Variants in GEMIN2 observed in about 807,000 individuals in gnomAD.
The protein encoded by GEMIN2 is gem-associated protein 2.
GEMIN2 carries 37 observed loss-of-function variants against 45.8 expected under a neutral mutation model. The ratio of observed to expected loss-of-function variants is 0.81; its 90% CI spans 0.62 to 1.06. The LOEUF (loss-of-function observed/expected upper bound fraction) is 1.06. Ranked by LOEUF, GEMIN2 falls within the 50% of genes least tolerant of loss-of-function variation. The pLI, the probability that GEMIN2 is intolerant of heterozygous loss-of-function variation, is 0.00. For missense variants in GEMIN2, 335 were observed against 321.8 expected (o/e 1.04, Z -0.31); for synonymous variants, 101 against 111.5 (o/e 0.91, Z 0.60).
At chr14:39,133,996 A>G (rs35767652) in intron 9 of GEMIN2, 61,206 of 197,504 alleles carry the variant, frequency 0.31, 10,879 homozygotes, top group Non-Finnish European at 0.39. Flanking sequence ...GGGTCTCACT[A>G]TGTTGCCCAG....
At chr14:39,126,508 T>G (rs1277030320) in intron 6 of GEMIN2, among the ~76,000 whole-genome samples, 1 of 152,150 alleles carries the variant, frequency 6.6e-6, no homozygotes, top group Admixed American at 6.5e-5. Context: ...TGATATTCTC[T>G]TGGAAATAAT....
chr14:39,125,098 AT>A, intron 6 of GEMIN2, 62 bp downstream of exon 6: 1 of 827,622 alleles, frequency 1.2e-6, no homozygotes, highest in Non-Finnish European at 2.1e-6. Context: ...AAGTATTTGA[AT>A]TGTTAATACA....
At chr14:39,117,123 T>A (rs566730657) in intron 2 of GEMIN2, among the ~76,000 whole-genome samples, 2 of 152,104 alleles carry the variant, frequency 1.3e-5, no homozygotes, top group East Asian at 3.9e-4. Context: ...AAATACAAAA[T>A]TAGCCGGGTG....
intron 7 of GEMIN2, among the ~76,000 whole-genome samples, chr14:39,129,412 T>TTTA (rs2052686555): frequency 6.6e-6 from 1 of 151,940 alleles, no homozygotes; most frequent in South Asian, 2.1e-4. Flanking sequence ...TTATTTATTT[T>TTTA]TTATTTATTT....
chr14:39,119,227 T>A (rs950994890), intron 4 of GEMIN2, among the ~76,000 whole-genome samples: 4 of 152,224 alleles, frequency 2.6e-5, no homozygotes, highest in Non-Finnish European at 5.9e-5. Flanking sequence ...AAAGCCTTAA[T>A]GGATTTTCCT....
intron 6 of GEMIN2, among the ~76,000 whole-genome samples, chr14:39,127,795 C>T (rs1309063605): frequency 5.3e-5 from 8 of 152,152 alleles, no homozygotes; most frequent in Non-Finnish European, 5.9e-5. Flanking sequence ...TGGGGCTAGG[C>T]GCGGTGCCTC....
Position 39,125,034 on chromosome 14 carries a change from C to A in GEMIN2, c.529C>A (p.Gln177Lys). Residue 177 changes from glutamine to lysine, a missense_variant and splice_region_variant, in exon 6 of 10, where the codon CAG (glutamine) becomes AAG (lysine). Transcript: ENST00000308317. Reference sequence around the variant, plus strand: ...GCTTAGTATTGTTAGCAGAATGAATCAGGTAAAATTAATAATAGAGATATA... The same window carrying A: ...GCTTAGTATTGTTAGCAGAATGAATAAGGTAAAATTAATAATAGAGATATA... Reference protein sequence around the residue: ...PLLSIVSRMNQATVTSVLEYL... With the variant: ...PLLSIVSRMNKATVTSVLEYL... 7.1e-7 allele frequency: 1 copy of A among 1,413,830 alleles called. No individual in the cohort carries two copies. Among genetic ancestry groups the A allele is most frequent in the Non-Finnish European group, 1.0e-6 (1 of 1,001,492 alleles). 87.6% of individuals were successfully genotyped at this position (1,413,830 alleles called of 1,614,324 possible).
intron 8 of GEMIN2, among the ~76,000 whole-genome samples, chr14:39,132,691 T>A (rs1309746987): frequency 9.3e-5 from 13 of 140,518 alleles, no homozygotes; most frequent in African/African-American, 2.1e-4. Context: ...TTTTTTCTTT[T>A]ATTGTGAGAT....
intron 7 of GEMIN2, among the ~76,000 whole-genome samples, chr14:39,129,726 A>G (rs1431862221): frequency 6.6e-5 from 10 of 151,674 alleles, no homozygotes; most frequent in Middle Eastern, 3.4e-3. Flanking sequence ...ATTTATATTT[A>G]TATTTATATT....
intron 2 of GEMIN2, among the ~76,000 whole-genome samples, chr14:39,117,747 A>C (rs2052527424): frequency 1.3e-5 from 2 of 152,224 alleles, no homozygotes; most frequent in Admixed American, 1.3e-4. Flanking sequence ...GATTTCATAG[A>C]AACTCCAACT....
intron 8 of GEMIN2, among the ~76,000 whole-genome samples, chr14:39,132,413 C>G (rs896078772): frequency 1.3e-5 from 2 of 151,936 alleles, no homozygotes; most frequent in African/African-American, 4.8e-5. Flanking sequence ...TGCTTGTCAT[C>G]CCAGCTACTC....
chr14:39,126,417 C>T (rs534361724), intron 6 of GEMIN2, among the ~76,000 whole-genome samples: 6 of 152,154 alleles, frequency 3.9e-5, no homozygotes, highest in East Asian at 1.9e-4. Context: ...TGAGCTCAAG[C>T]GATCCTCCCA....
chr14:39,131,898 A>T, intron 7 of GEMIN2, 60 bp from the exon 8 acceptor site: 8 of 819,958 alleles, frequency 9.8e-6, no homozygotes, highest in South Asian at 7.2e-5. Flanking sequence ...TTGGACATTT[A>T]AAAAATAAAC....
chr14:39,119,618 G>T (rs187156452), intron 4 of GEMIN2, among the ~76,000 whole-genome samples: 1 of 152,304 alleles, frequency 6.6e-6, no homozygotes, highest in East Asian at 1.9e-4. Flanking sequence ...TTAGATTTTA[G>T]AAGCTTCCTT....
At chr14:39,114,722 T>A in intron 1 of GEMIN2, 107 bp from the exon 2 acceptor site, 5 of 728,856 alleles carry the variant, frequency 6.9e-6, no homozygotes, top group Non-Finnish European at 1.2e-5. Context: ...GAAGTCTGAA[T>A]TTTTTTCTGA....
intron 4 of GEMIN2, among the ~76,000 whole-genome samples, chr14:39,119,300 T>C (rs1389962072): frequency 2.6e-5 from 4 of 152,358 alleles, no homozygotes; most frequent in Admixed American, 2.6e-4. Context: ...TGGATTCTGC[T>C]TCTGCTTAAT....
rs1322126405 is a variant in GEMIN2 at position 39,136,759 on chromosome 14, T to A, written c.*280T>A. On this transcript the variant is annotated 3_prime_UTR_variant, in exon 10 of 10. Transcript: ENST00000308317. ...ATTGTATGATGAAATTTTACATAGG[T>A]TCTTGGTGCTGTTTTGTTCTTTTTT... 6.1e-6 allele frequency: 2 copies of A among 327,490 alleles called. No individual in the cohort carries two copies. The highest frequency in any genetic ancestry group is 1.1e-5 in the Non-Finnish European group (2 of 181,556). 20.3% of individuals were successfully genotyped at this position (327,490 alleles called of 1,614,324 possible). A position where few individuals can be genotyped will look rare whatever the true frequency, so the allele number is the denominator to read the frequency against.
Position 39,125,009 on chromosome 14 carries a change from G to C in GEMIN2, c.504G>C (p.Leu168Phe), listed in dbSNP as rs1358201481. 2 of 1,476,806 alleles carry C rather than the reference G, an allele frequency of 1.4e-6. No individual in the cohort carries two copies. The highest frequency in any genetic ancestry group is 1.4e-5 in the African/African-American group (1 of 71,996). 91.5% of individuals were successfully genotyped at this position (1,476,806 alleles called of 1,614,324 possible). ...TCTTTCAGATTGGTTTTCCTCCCTT[G>C]CTTAGTATTGTTAGCAGAATGAATC... Reference protein sequence around the residue: ...IDYVQIGFPPLLSIVSRMNQA... With the variant: ...IDYVQIGFPPFLSIVSRMNQA... Residue 168 changes from leucine (L) to phenylalanine (F), a missense_variant, in exon 6 of 10, where the codon TTG becomes TTC. Leu to Phe is a conservative substitution (Grantham distance 22). Transcript: ENST00000308317.
intron 4 of GEMIN2, among the ~76,000 whole-genome samples, chr14:39,119,935 C>A (rs548236457): frequency 6.6e-6 from 1 of 152,302 alleles, no homozygotes; most frequent in South Asian, 2.1e-4. Flanking sequence ...AGCCTGTGTG[C>A]CTTTGACTAT....
Sources: allele counts gnomAD v4.1 joint callset (sites outside exome capture counted in the v4.1 genomes callset), GRCh38; gene constraint gnomAD v4.1.1; transcripts MANE v1.5; gene names NCBI Gene and HGNC (gene_info 2026-07-23, HGNC 2026-07-21).